The following RASSF2 variants were observed in gnomAD, a reference collection of about 807,000 sequenced individuals.
RASSF2 encodes ras association domain-containing protein 2.
A neutral mutation model predicts 46.3 loss-of-function variants in RASSF2; 34 were observed. The ratio of observed to expected loss-of-function variants is 0.73; its 90% confidence interval spans 0.56 to 0.98. RASSF2 has a LOEUF of 0.98. Among genes scored for constraint, RASSF2 ranks in the 50% least tolerant of loss-of-function variants. The probability of loss-of-function intolerance (pLI) is 0.00; values close to 1 mark genes in which losing one functional copy is unlikely to be tolerated. For missense variants in RASSF2, 364 were observed against 431.2 expected (o/e 0.84, Z 1.38); for synonymous variants, 158 against 162.5 (o/e 0.97, Z 0.21).
Position 4,812,420 on chromosome 20 carries a change from G to A in RASSF2, c.-33+9909C>T, listed in dbSNP as rs967865167. The stretch of plus-strand genomic sequence containing the variant: ...CGGAGCTGAGGCTCAAATCCAGGGC[G>A]GTGCAGGTGCCAAGCGGAACCCCTG... On this transcript the variant is annotated intron_variant, in intron 2 of 11. Transcript: ENST00000379400. The surrounding 1 kb of genome is among the most constrained non-coding windows in gnomAD (Gnocchi z 4.0). 4.6e-5 allele frequency among the ~76,000 whole-genome samples: 7 copies of A among 152,210 alleles called. No individual in the cohort carries two copies. The highest frequency in any genetic ancestry group is 4.8e-5 in the African/African-American group (2 of 41,448).
At chr20:4,791,727 C>T (rs550686093) in intron 6 of RASSF2, among the ~76,000 whole-genome samples, 64 of 152,284 alleles carry the variant, frequency 4.2e-4, no homozygotes, top group African/African-American at 1.3e-3. Context: ...ATGTATAAGG[C>T]CGCCGACTGC....
intron 2 of RASSF2, among the ~76,000 whole-genome samples, chr20:4,817,898 G>A (rs185238911): frequency 5.3e-5 from 8 of 152,298 alleles, no homozygotes; most frequent in African/African-American, 1.7e-4. Flanking sequence ...GGGTTAGAAG[G>A]GACATATGGA....
rs989139720 is a variant in RASSF2 at position 4,783,617 on chromosome 20, T to C, written c.*656A>G. The stretch of plus-strand genomic sequence containing the variant: ...TCCAGTGTAAAAATACGTGGGCTTA[T>C]TGCATCTACCCCACGGATGGTTTAT... On this transcript the variant is annotated 3_prime_UTR_variant, in exon 12 of 12. Transcript: ENST00000379400. 2.6e-5 allele frequency: 4 copies of C among 152,730 alleles called. No individual in the cohort carries two copies. The highest frequency in any genetic ancestry group is 7.2e-5 in the African/African-American group (3 of 41,468). The allele number at this position is 152,730 out of a possible 1,614,324, so 9.5% of individuals were successfully genotyped here. A position where few individuals can be genotyped will look rare whatever the true frequency, so the allele number is the denominator to read the frequency against.
chr20:4,780,451 G>C lies in RASSF2; in HGVS notation c.*3822C>G, dbSNP rs796687735. 3.4e-4 allele frequency: 52 copies of C among 152,298 alleles called. No homozygotes were observed. Among genetic ancestry groups the C allele is most frequent in the African/African-American group, 1.1e-3 (47 of 41,572 alleles). 9.4% of individuals were successfully genotyped at this position (152,298 alleles called of 1,614,324 possible). A position where few individuals can be genotyped will look rare whatever the true frequency, so the allele number is the denominator to read the frequency against. On this transcript the variant is annotated 3_prime_UTR_variant, in exon 12 of 12. Transcript: ENST00000379400. ...AGGGCAGAGCTTTCTATTACATCTG[G>C]AAGAAGGGGGCGCCACATTCATTCT...
In RASSF2 at chr20:4,789,635, G is replaced by A. The variant is rs1361956379; in HGVS notation, c.600C>T (p.Thr200=). The A allele has an allele frequency of 1.1e-5, 17 of 1,614,168 alleles. No homozygotes were observed. In the East Asian group the frequency reaches 3.8e-4, roughly 36 times the overall value. ...GCAGCAGCTTCAGGACCTGTGGGGT[G>A]GTCATGGTGCTGTTGATGCGGACGT... ...VTNVRINSTM[T]TPQVLKLLLN... is the part of the protein sequence containing the mutation. Residue 200 remains threonine (T), a synonymous_variant, in exon 8 of 12, where the codon ACC becomes ACT. Transcript: ENST00000379400.
chr20:4,806,734 T>A (rs1011816801), intron 2 of RASSF2, among the ~76,000 whole-genome samples: 5 of 152,200 alleles, frequency 3.3e-5, no homozygotes, highest in Admixed American at 6.5e-5. Context: ...AGTGAGCCAC[T>A]GCAGCCGGTC....
In RASSF2 at chr20:4,783,986, C is replaced by T. The variant is rs899017955; in HGVS notation, c.*287G>A. The T allele has an allele frequency of 4.6e-5, 17 of 372,192 alleles. No homozygotes were observed. The highest frequency in any genetic ancestry group is 7.4e-4 in the Middle Eastern group (1 of 1,358). The allele number at this position is 372,192 out of a possible 1,614,324, so 23.1% of individuals were successfully genotyped here. On this transcript the variant is annotated 3_prime_UTR_variant, in exon 12 of 12. Coordinates refer to ENST00000379400, the MANE Select transcript of RASSF2 (RefSeq NM_014737.3). ...TACATGTGAAAGTATCAGGTAGGCACATGGACACGTACCATGTGTGCACAC... is the reference window on the plus strand; with the variant it reads ...TACATGTGAAAGTATCAGGTAGGCATATGGACACGTACCATGTGTGCACAC...
chr20:4,788,153 T>G, intron 9 of RASSF2, 64 bp downstream of exon 9: 1 of 1,414,428 alleles, frequency 7.1e-7, no homozygotes, highest in Non-Finnish European at 9.9e-7. Context: ...GCAGAGGTAT[T>G]TTTTTAACTT....
At chr20:4,821,966 G>A (rs918763448) in intron 2 of RASSF2, among the ~76,000 whole-genome samples, 2 of 152,208 alleles carry the variant, frequency 1.3e-5, no homozygotes, top group African/African-American at 4.8e-5. Flanking sequence ...GTGTCCCTGG[G>A]ACACTATATT....
intron 3 of RASSF2, 31 bp downstream of exon 3, chr20:4,800,941 G>A (rs1926814341): frequency 1.9e-6 from 3 of 1,575,286 alleles, no homozygotes; most frequent in Admixed American, 1.7e-5. Flanking sequence ...ACTGGTCACT[G>A]AGGACAAAAC....
chr20:4,810,278 T>C (rs1927674116), intron 2 of RASSF2, among the ~76,000 whole-genome samples: 1 of 152,190 alleles, frequency 6.6e-6, no homozygotes, highest in African/African-American at 2.4e-5. Flanking sequence ...CTTGCAGGTG[T>C]TTCCAGCCTC....
At chr20:4,796,259 T>C (rs1029736663) in intron 4 of RASSF2, among the ~76,000 whole-genome samples, 1 of 152,228 alleles carries the variant, frequency 6.6e-6, no homozygotes, top group African/African-American at 2.4e-5. Context: ...CTAATGACTT[T>C]TAAAGAAAGC....
chr20:4,822,721 C>A (rs1313861413), intron 1 of RASSF2, among the ~76,000 whole-genome samples: 1 of 152,244 alleles, frequency 6.6e-6, no homozygotes, highest in African/African-American at 2.4e-5. Context: ...GCGGGGAGAC[C>A]GCAAAGGGGA....
rs768871908 is a variant in RASSF2 at position 4,789,707 on chromosome 20, G to A, written c.538-10C>T. ...GTGTGAACACGGATGTCTGTCAATA[G>A]AAGGGCCCAGCTCAGGGTGGGAGTG... On this transcript the variant is annotated splice_polypyrimidine_tract_variant and intron_variant, in intron 7 of 11. Transcript: ENST00000379400. 8 of 1,611,922 alleles carry A rather than the reference G, an allele frequency of 5.0e-6. No homozygotes were observed. In the Admixed American group the frequency reaches 1.3e-4, roughly 27 times the overall value.
At position 4,782,396 on chromosome 20, in the gene RASSF2, A is replaced by G. The variant is rs1601072682; in HGVS notation, c.*1877T>C. 6.6e-6 allele frequency: 1 copy of G among 152,612 alleles called. No individual in the cohort carries two copies. Among genetic ancestry groups the G allele is most frequent in the African/African-American group, 2.4e-5 (1 of 41,434 alleles). 9.5% of individuals were successfully genotyped at this position (152,612 alleles called of 1,614,324 possible). The stretch of plus-strand genomic sequence containing the variant: ...CTCAGGAGGTGTTTGCATTCACAGA[A>G]CTGTTCTTTCCCAGCTGTAACAAAG... On this transcript the variant is annotated 3_prime_UTR_variant, in exon 12 of 12. Coordinates refer to ENST00000379400, the MANE Select transcript of RASSF2 (RefSeq NM_014737.3).
chr20:4,784,399 G>A lies in RASSF2; in HGVS notation c.912-57C>T, dbSNP rs1925104642. 3.3e-5 allele frequency: 51 copies of A among 1,538,514 alleles called. 2 individuals carry two copies. The South Asian group carries it at 5.3e-4, about 16-fold the overall frequency. ...CAGCCAGCAACACACCCCTGCCCAG[G>A]ACCTTCCCGGCCACCTGGGTAACAC... On this transcript the variant is annotated intron_variant, in intron 11 of 11. Transcript: ENST00000379400.
At chr20:4,787,496 C>T (rs962323452) in intron 10 of RASSF2, 137 bp downstream of exon 10, 16 of 1,069,990 alleles carry the variant, frequency 1.5e-5, no homozygotes, top group Non-Finnish European at 2.0e-5. Context: ...AAGCTGGCTT[C>T]GAGAGAACCT....
intron 2 of RASSF2, among the ~76,000 whole-genome samples, chr20:4,803,784 C>T (rs1318818416): frequency 2.7e-5 from 4 of 148,416 alleles, no homozygotes; most frequent in Admixed American, 6.7e-5. Flanking sequence ...TAAGGCCAGG[C>T]GCAGTGGCTC....
At chr20:4,823,383 C>T (rs1031748240) in intron 1 of RASSF2, among the ~76,000 whole-genome samples, 174 bp downstream of exon 1, 3 of 152,106 alleles carry the variant, frequency 2.0e-5, no homozygotes, top group African/African-American at 7.2e-5. Flanking sequence ...GGGGGCGCCG[C>T]GGCTGGGGGG....
Sources: allele counts gnomAD v4.1 joint callset (sites outside exome capture counted in the v4.1 genomes callset), GRCh38; gene constraint gnomAD v4.1.1; non-coding constraint Gnocchi (gnomAD v3.1); transcripts MANE v1.5; gene names NCBI Gene and HGNC (gene_info 2026-07-23, HGNC 2026-07-21).